The following GINS1 variants were observed in gnomAD, a reference collection of about 807,000 sequenced individuals.
The protein encoded by GINS1 is GINS complex subunit 1.
Under a neutral mutation model 34.9 loss-of-function variants are expected in GINS1, and 26 were observed. The observed-to-expected ratio is 0.74, with a 90% CI of 0.55 to 1.03. The LOEUF (loss-of-function observed/expected upper bound fraction) is 1.03, where lower values mean the gene tolerates loss of function less well. Among genes scored for constraint, GINS1 ranks in the 50% least tolerant of loss-of-function variants. GINS1 has a pLI of 0.00. For missense variants in GINS1, 235 were observed against 237.9 expected, an observed-to-expected ratio of 0.99 and a Z score of 0.08; for synonymous variants, 97 against 84.4, an observed-to-expected ratio of 1.15 and a Z score of -0.82.
chr20:25,411,827 C>T (rs534049399), intron 1 of GINS1, among the ~76,000 whole-genome samples: 1 of 152,050 alleles, frequency 6.6e-6, no homozygotes, highest in African/African-American at 2.4e-5. Flanking sequence ...GTAATCCCAG[C>T]TACTTGAGAG....
At chr20:25,441,505 C>G (rs78343582) in intron 5 of GINS1, among the ~76,000 whole-genome samples, 197 bp from the exon 6 acceptor site, 2 of 152,138 alleles carry the variant, frequency 1.3e-5, no homozygotes, top group East Asian at 1.9e-4. Flanking sequence ...AGAGATTTTG[C>G]GGTTCTTCTT....
At chr20:25,425,934 A>G (rs1435016027) in intron 5 of GINS1, among the ~76,000 whole-genome samples, 1 of 152,084 alleles carries the variant, frequency 6.6e-6, no homozygotes, top group Admixed American at 6.6e-5. Context: ...TGCAACTTTC[A>G]TATTGTTTTG....
chr20:25,437,006 T>C (rs2090458013), intron 5 of GINS1, among the ~76,000 whole-genome samples: 1 of 152,222 alleles, frequency 6.6e-6, no homozygotes, highest in South Asian at 2.1e-4. Flanking sequence ...AAGCTGTCGC[T>C]GTGCTTAGAA....
At chr20:25,426,829 A>T (rs1384992804) in intron 5 of GINS1, among the ~76,000 whole-genome samples, 5 of 152,026 alleles carry the variant, frequency 3.3e-5, no homozygotes, top group Non-Finnish European at 5.9e-5. Flanking sequence ...CTGGCCCAGA[A>T]TTTCCTTCCT....
At chr20:25,427,777 C>T (rs566133600) in intron 5 of GINS1, among the ~76,000 whole-genome samples, 137 of 150,452 alleles carry the variant, frequency 9.1e-4, no homozygotes, top group Non-Finnish European at 1.6e-3. Context: ...CCTTTTTATG[C>T]TGTTGATAGT....
chr20:25,414,941 A>G (rs68053392), intron 2 of GINS1, among the ~76,000 whole-genome samples: 19,661 of 152,174 alleles, frequency 0.13, 2,071 homozygotes, highest in East Asian at 0.58. Flanking sequence ...GACTCTTTAG[A>G]ACTGAGCATG....
Position 25,446,266 on chromosome 20 carries a change from C to A in GINS1, c.*275C>A. On this transcript the variant is annotated 3_prime_UTR_variant, in exon 7 of 7. Coordinates refer to ENST00000262460, the MANE Select transcript of GINS1 (RefSeq NM_021067.5). ...CCCAAGCTGGTCTCAAACTCCTGGCCTCAAGCAGTCCTCCCACCTTAGCTT... is the reference window on the plus strand; with the variant it reads ...CCCAAGCTGGTCTCAAACTCCTGGCATCAAGCAGTCCTCCCACCTTAGCTT... The A allele has an allele frequency of 6.6e-6, 2 of 301,236 alleles. No individual in the cohort carries two copies. The highest frequency in any genetic ancestry group is 1.2e-5 in the Non-Finnish European group (2 of 163,574). 18.7% of individuals were successfully genotyped at this position (301,236 alleles called of 1,614,324 possible).
intron 5 of GINS1, among the ~76,000 whole-genome samples, chr20:25,436,202 C>T (rs1030997139): frequency 8.5e-5 from 13 of 152,100 alleles, no homozygotes; most frequent in African/African-American, 2.4e-5. Context: ...ATGCTCCCAC[C>T]TTGGCCTCCC....
chr20:25,422,420 A>G (rs2090361091), intron 4 of GINS1, among the ~76,000 whole-genome samples: 1 of 145,280 alleles, frequency 6.9e-6, no homozygotes, highest in South Asian at 2.2e-4. Context: ...CCAAAAAAAG[A>G]AAAAAAAAAA....
chr20:25,418,293 A>G, intron 4 of GINS1, 98 bp downstream of exon 4: 1 of 796,292 alleles, frequency 1.3e-6, no homozygotes, highest in Non-Finnish European at 2.2e-6. Flanking sequence ...TTTGTGTTTA[A>G]TGTCTGTTTT....
chr20:25,426,419 C>T (rs1013502964), intron 5 of GINS1, among the ~76,000 whole-genome samples: 2 of 151,726 alleles, frequency 1.3e-5, no homozygotes, highest in Non-Finnish European at 2.9e-5. Flanking sequence ...CAAAATTAGC[C>T]GGGCACATGC....
At chr20:25,433,163 C>A (rs2146214577) in intron 5 of GINS1, among the ~76,000 whole-genome samples, 1 of 151,914 alleles carries the variant, frequency 6.6e-6, no homozygotes, top group South Asian at 2.1e-4. Context: ...TTAATCCATC[C>A]CCTTTAACAT....
chr20:25,433,372 A>G (rs2090437752), intron 5 of GINS1, among the ~76,000 whole-genome samples: 1 of 152,236 alleles, frequency 6.6e-6, no homozygotes, highest in Non-Finnish European at 1.5e-5. Context: ...ACAGATACCA[A>G]GATCCATGGA....
At position 25,442,755 on chromosome 20, in the gene GINS1, C is replaced by T. The variant is rs1038125001; in HGVS notation, c.522+979C>T. ...CCCAAGTAGCTGGACCACAGGCACA[C>T]GCCACTACACCCAGTTAATTTTTGT... is the stretch of plus-strand genomic sequence containing the variant. On this transcript the variant is annotated intron_variant, in intron 6 of 6. Coordinates refer to ENST00000262460, the MANE Select transcript of GINS1 (RefSeq NM_021067.5). Among the ~76,000 whole-genome samples, 6 of 151,684 alleles carry T rather than the reference C, an allele frequency of 4.0e-5. No individual in the cohort carries two copies. The South Asian group carries it at 6.3e-4, about 16-fold the overall frequency.
intron 5 of GINS1, among the ~76,000 whole-genome samples, chr20:25,433,106 G>A (rs1009373587): frequency 6.6e-6 from 1 of 151,832 alleles, no homozygotes; most frequent in Non-Finnish European, 1.5e-5. Flanking sequence ...TGATTGGATC[G>A]TTTTGTTTAA....
At chr20:25,408,921 G>T in intron 1 of GINS1, 1 of 983,744 alleles carries the variant, frequency 1.0e-6, no homozygotes, top group South Asian at 4.7e-5. Context: ...CTGGAAGATG[G>T]GCACAAAAAC....
intron 5 of GINS1, among the ~76,000 whole-genome samples, 159 bp downstream of exon 5, chr20:25,425,486 A>G (rs2090385834): frequency 6.6e-6 from 1 of 152,188 alleles, no homozygotes; most frequent in African/African-American, 2.4e-5. Context: ...ACAGAATACG[A>G]TGGAACAGCT....
intron 5 of GINS1, among the ~76,000 whole-genome samples, chr20:25,438,911 C>T (rs1013495191): frequency 2.0e-5 from 3 of 151,974 alleles, no homozygotes; most frequent in Admixed American, 1.3e-4. Flanking sequence ...TTTGAGGTTT[C>T]CTTGGAGAAT....
rs546795640 is a variant in GINS1, at chr20:25,429,126, C to A, written c.447+3799C>A. Among the ~76,000 whole-genome samples the A allele has an allele frequency of 2.6e-5, 4 of 151,874 alleles. No individual in the cohort carries two copies. In the East Asian group the frequency reaches 7.8e-4, roughly 30 times the overall value. On this transcript the variant is annotated intron_variant, in intron 5 of 6. Coordinates refer to ENST00000262460, the MANE Select transcript of GINS1 (RefSeq NM_021067.5). ...TTCTCAGCCTCCCAAGTAGCTGAGA[C>A]TAAAGGCGCCTACCACCATGCCCGG... is the stretch of plus-strand genomic sequence containing the variant.
Sources: allele counts gnomAD v4.1 joint callset (sites outside exome capture counted in the v4.1 genomes callset), GRCh38; gene constraint gnomAD v4.1.1; transcripts MANE v1.5; gene names NCBI Gene and HGNC (gene_info 2026-07-23, HGNC 2026-07-21).